The following MAOB variants were observed in gnomAD, a reference collection of about 807,000 sequenced individuals.
MAOB encodes the protein amine oxidase [flavin-containing] B.
Under a neutral mutation model 41.9 loss-of-function variants are expected in MAOB, and 15 were observed. The observed-to-expected ratio is 0.36, with a 90% CI of 0.24 to 0.55. The LOEUF (loss-of-function observed/expected upper bound fraction) is 0.55, where lower values mean the gene tolerates loss of function less well. Ranked by LOEUF, MAOB falls within the 20% of genes least tolerant of loss-of-function variation. The pLI, the probability that MAOB is intolerant of heterozygous loss-of-function variation, is 0.86. For synonymous variants in MAOB, 167 were observed against 144.2 expected (o/e 1.16, Z -1.13); for missense variants, 345 against 398.7 (o/e 0.87, Z 1.15).
At chrX:43,868,092 T>G (rs1874534935) in intron 1 of MAOB, among the ~76,000 whole-genome samples, 1 of 112,335 alleles carries the variant, frequency 8.9e-6, no homozygotes, top group Admixed American at 9.4e-5. Context: ...TGAAGCAACC[T>G]TTAAACCTAC....
chrX:43,826,436 G>A (rs764702510), intron 3 of MAOB, among the ~76,000 whole-genome samples: 193 of 112,573 alleles, frequency 1.7e-3, no homozygotes, highest in African/African-American at 6.0e-3. Flanking sequence ...TTTACCTAAA[G>A]CCTACCAACT....
Position 43,853,338 on chromosome X carries a change from T to A in MAOB, c.47-9574A>T, listed in dbSNP as rs761925078. 3.8e-5 allele frequency among the ~76,000 whole-genome samples: 4 copies of A among 104,211 alleles called. No individual in the cohort carries two copies. The South Asian group carries it at 1.7e-3, about 45-fold the overall frequency. 90.5% of individuals were successfully genotyped at this position (104,211 alleles called of 115,157 possible). A position where few individuals can be genotyped will look rare whatever the true frequency, so the allele number is the denominator to read the frequency against. ...AGGAAAAGGACAGGGAAAGTTCCCC[T>A]GTTTTTTTTCTGGCCATGCAGTCTG... On this transcript the variant is annotated intron_variant, in intron 1 of 14. Transcript: ENST00000378069.
chrX:43,770,565 T>C (rs1158228041), intron 12 of MAOB, among the ~76,000 whole-genome samples: 1 of 111,754 alleles, frequency 8.9e-6, no homozygotes, highest in African/African-American at 3.3e-5. Flanking sequence ...AACCACTTAG[T>C]TATACTTCCT....
intron 1 of MAOB, among the ~76,000 whole-genome samples, chrX:43,878,698 G>T (rs1407693762): frequency 9.0e-6 from 1 of 110,837 alleles, no homozygotes; most frequent in Non-Finnish European, 1.9e-5. Context: ...TGAGAAAGAG[G>T]CTTTGCCATT....
chrX:43,863,012 TA>T (rs1405942795), intron 1 of MAOB, among the ~76,000 whole-genome samples: 1 of 111,905 alleles, frequency 8.9e-6, no homozygotes, highest in Non-Finnish European at 1.9e-5. Context: ...AAAAGATTGA[TA>T]AAGCAAAGGA....
chrX:43,873,538 T>C (rs944342336), intron 1 of MAOB, among the ~76,000 whole-genome samples: 1 of 111,487 alleles, frequency 9.0e-6, no homozygotes, highest in Non-Finnish European at 1.9e-5. Context: ...TTAGATAGTA[T>C]ATGACATTTA....
intron 2 of MAOB, among the ~76,000 whole-genome samples, chrX:43,842,494 G>T (rs1023923159): frequency 5.3e-5 from 6 of 112,636 alleles, no homozygotes; most frequent in Non-Finnish European, 1.1e-4. Context: ...ACAGAAAACA[G>T]TATGGAGGTT....
chrX:43,810,830 T>C (rs1039945464), intron 3 of MAOB, among the ~76,000 whole-genome samples: 2 of 111,735 alleles, frequency 1.8e-5, no homozygotes, highest in African/African-American at 6.5e-5. Flanking sequence ...ATGGAGATTA[T>C]ACAAGGTACA....
intron 12 of MAOB, among the ~76,000 whole-genome samples, chrX:43,772,537 A>G (rs948826799): frequency 8.9e-6 from 1 of 112,119 alleles, no homozygotes; most frequent in Non-Finnish European, 1.9e-5. Flanking sequence ...ATGCAGTGAT[A>G]GCTGTTCTCT....
At chrX:43,862,151 T>C (rs988783561) in intron 1 of MAOB, among the ~76,000 whole-genome samples, 1 of 111,989 alleles carries the variant, frequency 8.9e-6, no homozygotes, top group Non-Finnish European at 1.9e-5. Context: ...AATTACAACA[T>C]TTTATATGTC....
In MAOB at chrX:43,826,369, G is replaced by C. The variant is rs1467053337; in HGVS notation, c.279+12499C>G. Among the ~76,000 whole-genome samples the C allele has an allele frequency of 2.7e-5, 3 of 111,760 alleles. No individual in the cohort carries two copies. In the Admixed American group the frequency reaches 2.9e-4, roughly 11 times the overall value. On this transcript the variant is annotated intron_variant, in intron 3 of 14. Coordinates refer to ENST00000378069, the MANE Select transcript of MAOB (RefSeq NM_000898.5). ...GGGTCTGCCCAATTGTGCTCTAAAA[G>C]GGACAGGCTCACATACGGGTAAAGA...
intron 1 of MAOB, 37 bp from the exon 2 acceptor site, chrX:43,843,801 C>A: frequency 8.3e-7 from 1 of 1,201,833 alleles, no homozygotes. Flanking sequence ...GGATCAAATA[C>A]AAGGATGCCA....
intron 3 of MAOB, among the ~76,000 whole-genome samples, chrX:43,817,749 G>A (rs761863230): frequency 1.8e-5 from 2 of 112,095 alleles, no homozygotes; most frequent in East Asian, 5.6e-4. Flanking sequence ...GAGGGCCTTT[G>A]CACCTGTCAC....
chrX:43,839,110 C>T (rs1389548001), intron 2 of MAOB, 105 bp from the exon 3 acceptor site: 9 of 577,648 alleles, frequency 1.6e-5, no homozygotes, highest in Non-Finnish European at 2.3e-5. Context: ...GTTATAGATA[C>T]AGCTTAAGGG....
intron 8 of MAOB, among the ~76,000 whole-genome samples, chrX:43,787,928 A>G (rs1230766405): frequency 1.8e-5 from 2 of 112,337 alleles, no homozygotes; most frequent in African/African-American, 6.5e-5. Flanking sequence ...CTCCTACCTG[A>G]TTGACAAAAA....
At chrX:43,856,835 A>G (rs1353609187) in intron 1 of MAOB, among the ~76,000 whole-genome samples, 1 of 108,589 alleles carries the variant, frequency 9.2e-6, no homozygotes, top group Non-Finnish European at 1.9e-5. Context: ...TGCTGCCCCA[A>G]GGGTGACAGA....
At position 43,838,942 on chromosome X, in the gene MAOB, A is replaced by G. The variant is rs2035101323; in HGVS notation, c.205T>C (p.Leu69=). The G allele has an allele frequency of 2.5e-6, 3 of 1,204,264 alleles. No individual in the cohort carries two copies. The highest frequency in any genetic ancestry group is 2.2e-5 in the Admixed American group (1 of 45,484). ...SYVGPTQNRI[L]RLAKELGLET... is the part of the protein sequence containing the mutation. ...AATCCTAGCTCCTTGGCTAATCTCA[A>G]GATACGATTCTGGGTTGGTCCAACA... Residue 69 remains leucine, a synonymous_variant, in exon 3 of 15, where the codon TTG becomes CTG. Transcript: ENST00000378069.
chrX:43,778,785 G>A lies in MAOB; in HGVS notation c.1080-46C>T, dbSNP rs977872571. On this transcript the variant is annotated intron_variant, in intron 10 of 14. Coordinates refer to ENST00000378069, the MANE Select transcript of MAOB (RefSeq NM_000898.5). The stretch of plus-strand genomic sequence containing the variant: ...AAGAGAAAATAAAGGAAAGAAGGGA[G>A]GGAAAAAAAAAGTGGGAAAGAGGCA... 8.6e-6 allele frequency: 9 copies of A among 1,041,563 alleles called. No individual in the cohort carries two copies. The Admixed American group carries it at 1.0e-4, about 12-fold the overall frequency. The allele number at this position is 1,041,563 out of a possible 1,213,427, so 85.8% of individuals were successfully genotyped here. A position where few individuals can be genotyped will look rare whatever the true frequency, so the allele number is the denominator to read the frequency against.
intron 12 of MAOB, among the ~76,000 whole-genome samples, chrX:43,770,399 C>T (rs1052804282): frequency 1.8e-5 from 2 of 111,491 alleles, no homozygotes; most frequent in African/African-American, 3.3e-5. Flanking sequence ...AAGGGCATGC[C>T]TTAATATATA....
Sources: allele counts gnomAD v4.1 joint callset (sites outside exome capture counted in the v4.1 genomes callset), GRCh38; gene constraint gnomAD v4.1.1; transcripts MANE v1.5; gene names NCBI Gene and HGNC (gene_info 2026-07-23, HGNC 2026-07-21).